The following SPINT2 variants were observed in gnomAD, a reference collection of about 807,000 sequenced individuals.
SPINT2 encodes the protein kunitz-type protease inhibitor 2.
Under a neutral mutation model 30.1 loss-of-function variants are expected in SPINT2, and 18 were observed. The ratio of observed to expected loss-of-function variants is 0.60; its 90% CI spans 0.41 to 0.89. SPINT2 has a LOEUF of 0.89. SPINT2 is among the 40% of genes least tolerant of loss of function. SPINT2 has a pLI of 0.00. For synonymous variants in SPINT2, 139 were observed against 137.9 expected (o/e 1.01, Z -0.05); for missense variants, 276 against 334.3 (o/e 0.83, Z 1.36).
intron 1 of SPINT2, among the ~76,000 whole-genome samples, chr19:38,269,625 T>C (rs1279640021): frequency 6.7e-6 from 1 of 148,242 alleles, no homozygotes; most frequent in African/African-American, 2.5e-5. Context: ...TTTTTTTTTT[T>C]TGAGACGGAG....
At chr19:38,268,067 G>A (rs1308393363) in intron 1 of SPINT2, among the ~76,000 whole-genome samples, 1 of 152,076 alleles carries the variant, frequency 6.6e-6, no homozygotes, top group Non-Finnish European at 1.5e-5. Context: ...GTACCAGAGG[G>A]CCCAGGAGTT....
Position 38,292,026 on chromosome 19 carries a change from A to C in SPINT2, c.*20A>C. The C allele has an allele frequency of 6.2e-7, 1 of 1,613,554 alleles. No homozygotes were observed. Among genetic ancestry groups the C allele is most frequent in the South Asian group, 1.1e-5 (1 of 90,996 alleles). The stretch of plus-strand genomic sequence containing the variant: ...CTGTGACCGCCCTGTCGCCAAGAGG[A>C]CTGGGGAAGGGAGGGGAGACTATGT... On this transcript the variant is annotated 3_prime_UTR_variant, in exon 7 of 7. Transcript: ENST00000301244.
At position 38,292,033 on chromosome 19, in the gene SPINT2, A is replaced by G; in HGVS notation, c.*27A>G. 1.9e-6 allele frequency: 3 copies of G among 1,613,092 alleles called. No individual in the cohort carries two copies. The highest frequency in any genetic ancestry group is 2.5e-6 in the Non-Finnish European group (3 of 1,179,696). On this transcript the variant is annotated 3_prime_UTR_variant, in exon 7 of 7. Coordinates refer to ENST00000301244, the MANE Select transcript of SPINT2 (RefSeq NM_021102.4). ...CGCCCTGTCGCCAAGAGGACTGGGG[A>G]AGGGAGGGGAGACTATGTGTGAGCT... is the stretch of plus-strand genomic sequence containing the variant.
intron 1 of SPINT2, among the ~76,000 whole-genome samples, chr19:38,277,794 C>G (rs1034330050): frequency 6.6e-6 from 1 of 152,152 alleles, no homozygotes; most frequent in Admixed American, 6.6e-5. Context: ...GTGACTTTTG[C>G]CATTTCTGAT....
chr19:38,276,884 T>A (rs928830346), intron 1 of SPINT2, among the ~76,000 whole-genome samples: 3 of 151,820 alleles, frequency 2.0e-5, no homozygotes, highest in Non-Finnish European at 2.9e-5. Flanking sequence ...CACTGCAACC[T>A]CCACCTCTTG....
Position 38,290,877 on chromosome 19 carries a change from G to A in SPINT2, c.592+302G>A, listed in dbSNP as rs62123470. ...CACACGGGCCTGAGGCTGGCCTGAG[G>A]TGTGGAGGGAGCGCTGCTATGTGGG... On this transcript the variant is annotated intron_variant, in intron 6 of 6. Coordinates refer to ENST00000301244, the MANE Select transcript of SPINT2 (RefSeq NM_021102.4). The surrounding 1 kb of genome is among the most constrained non-coding windows in gnomAD (Gnocchi z 4.3). The A allele has an allele frequency of 2.0e-6, 1 of 506,102 alleles. No individual in the cohort carries two copies. The highest frequency in any genetic ancestry group is 3.7e-5 in the East Asian group (1 of 26,864). 31.4% of individuals were successfully genotyped at this position (506,102 alleles called of 1,614,324 possible).
intron 2 of SPINT2, among the ~76,000 whole-genome samples, chr19:38,285,374 C>T (rs1968629169): frequency 6.6e-6 from 1 of 152,102 alleles, no homozygotes; most frequent in African/African-American, 2.4e-5. Flanking sequence ...TTTTTTCTCG[C>T]TTAGTCGCCT....
intron 3 of SPINT2, chr19:38,288,709 T>C (rs1270002600): frequency 2.6e-5 from 6 of 231,212 alleles, no homozygotes; most frequent in African/African-American, 1.4e-4. Context: ...GGTGGTCACT[T>C]TCCAGCTTTG....
intron 1 of SPINT2, among the ~76,000 whole-genome samples, chr19:38,281,900 G>T (rs1183010920): frequency 6.6e-6 from 1 of 152,062 alleles, no homozygotes; most frequent in African/African-American, 2.4e-5. Context: ...TCTACTTCCT[G>T]TGTCTATTGA....
intron 1 of SPINT2, among the ~76,000 whole-genome samples, chr19:38,276,425 C>A (rs1253718895): frequency 6.6e-6 from 1 of 152,016 alleles, no homozygotes; most frequent in South Asian, 2.1e-4. Flanking sequence ...GGTGGACTTA[C>A]AAGGTCAGGA....
At chr19:38,278,593 G>C (rs572373914) in intron 1 of SPINT2, among the ~76,000 whole-genome samples, 20 of 152,260 alleles carry the variant, frequency 1.3e-4, no homozygotes, top group African/African-American at 4.3e-4. Context: ...GAGGCAGCAG[G>C]ATCACTTGAG....
At chr19:38,287,435 G>A (rs981801506) in intron 2 of SPINT2, among the ~76,000 whole-genome samples, 18 of 151,982 alleles carry the variant, frequency 1.2e-4, no homozygotes, top group African/African-American at 3.4e-4. Flanking sequence ...CTGACCTCGC[G>A]ATCTGCCCAC....
intron 1 of SPINT2, among the ~76,000 whole-genome samples, chr19:38,280,461 A>T (rs559883674): frequency 6.6e-6 from 1 of 152,186 alleles, no homozygotes; most frequent in African/African-American, 2.4e-5. Context: ...TAAATTCATC[A>T]CCTGCTGCTG....
chr19:38,288,380 C>T (rs1279415251), intron 3 of SPINT2: 2 of 300,222 alleles, frequency 6.7e-6, no homozygotes, highest in Admixed American at 4.6e-5. Flanking sequence ...CCACCCCCGC[C>T]TCCCCGCCAC....
chr19:38,269,646 T>A (rs558340442), intron 1 of SPINT2, among the ~76,000 whole-genome samples: 1 of 147,640 alleles, frequency 6.8e-6, no homozygotes, highest in Non-Finnish European at 1.5e-5. Context: ...TGTCTCGCTC[T>A]GTCGCCCAGG....
At chr19:38,291,625 A>G (rs1297845736) in intron 6 of SPINT2, 5 of 587,742 alleles carry the variant, frequency 8.5e-6, no homozygotes, top group Non-Finnish European at 1.5e-5. Flanking sequence ...TGGCACGCAC[A>G]TAGCATGGCG....
intron 1 of SPINT2, among the ~76,000 whole-genome samples, chr19:38,269,059 T>C (rs893991087): frequency 6.6e-6 from 1 of 152,164 alleles, no homozygotes; most frequent in Non-Finnish European, 1.5e-5. Flanking sequence ...AATGGTTACT[T>C]GGCTTAAGGT....
Position 38,290,293 on chromosome 19 carries a change from C to T in SPINT2, c.553+13C>T, listed in dbSNP as rs371427377. On this transcript the variant is annotated intron_variant, in intron 5 of 6. Transcript: ENST00000301244. The surrounding 1 kb of genome is among the most constrained non-coding windows in gnomAD (Gnocchi z 4.3). ...CTCCGCTGCTTCCGTAAGTCTGCAG[C>T]CCCTCAGCCCAGGAAGCCCTGCCCT... is the stretch of plus-strand genomic sequence containing the variant. The T allele has an allele frequency of 1.4e-5, 22 of 1,610,566 alleles. No homozygotes were observed. The African/African-American group carries it at 2.5e-4, about 19-fold the overall frequency.
chr19:38,283,583 A>T, intron 1 of SPINT2, 44 bp from the exon 2 acceptor site: 1 of 1,612,868 alleles, frequency 6.2e-7, no homozygotes, highest in Non-Finnish European at 8.5e-7. Context: ...CTTTGTTGCC[A>T]GGATTGCCCT....
Sources: allele counts gnomAD v4.1 joint callset (sites outside exome capture counted in the v4.1 genomes callset), GRCh38; gene constraint gnomAD v4.1.1; non-coding constraint Gnocchi (gnomAD v3.1); transcripts MANE v1.5; gene names NCBI Gene and HGNC (gene_info 2026-07-23, HGNC 2026-07-21).